CCDC60: variants seen among roughly 807,000 people sequenced by gnomAD.
CCDC60 encodes the protein coiled-coil domain containing 60, also known as coiled-coil domain-containing protein 60.
In CCDC60, 54 loss-of-function variants were observed where a neutral mutation model predicts 63.5. The observed-to-expected ratio is 0.85, with a 90% CI of 0.68 to 1.07. CCDC60 has a LOEUF of 1.07. CCDC60 is among the 50% of genes least tolerant of loss of function. The probability of loss-of-function intolerance (pLI) is 0.00; values close to 1 mark genes in which losing one functional copy is unlikely to be tolerated. For missense variants in CCDC60, 651 were observed against 684.3 expected, an observed-to-expected ratio of 0.95 and a Z score of 0.54; for synonymous variants, 206 against 238.8, an observed-to-expected ratio of 0.86 and a Z score of 1.27.
At chr12:119,439,148 G>A (rs963685156) in intron 2 of CCDC60, among the ~76,000 whole-genome samples, 4 of 89,030 alleles carry the variant, frequency 4.5e-5, no homozygotes, top group Non-Finnish European at 9.1e-5. Flanking sequence ...CCCTTTTCTG[G>A]GCAAAAAAAA....
intron 1 of CCDC60, among the ~76,000 whole-genome samples, chr12:119,411,510 A>G (rs11064784): frequency 0.13 from 20,253 of 152,150 alleles, 1,695 homozygotes; most frequent in African/African-American, 0.22. Context: ...CCATCTCAAA[A>G]AAAGAAAAAA....
chr12:119,338,214 A>G (rs781091890), intron 1 of CCDC60, among the ~76,000 whole-genome samples: 12 of 152,212 alleles, frequency 7.9e-5, no homozygotes, highest in Non-Finnish European at 1.6e-4. Context: ...TAAAGCATTA[A>G]TTAACCTAAT....
At chr12:119,345,974 C>A (rs1210919408) in intron 1 of CCDC60, among the ~76,000 whole-genome samples, 22 of 151,002 alleles carry the variant, frequency 1.5e-4, no homozygotes, top group Admixed American at 9.9e-4. Context: ...TGCCGCCATA[C>A]CCAGCTGATT....
chr12:119,338,534 T>A (rs1179015781), intron 1 of CCDC60, among the ~76,000 whole-genome samples: 1 of 152,150 alleles, frequency 6.6e-6, no homozygotes, highest in Non-Finnish European at 1.5e-5. Flanking sequence ...GAACTGGGAT[T>A]TGAATTCATA....
chr12:119,349,878 G>A (rs1366335042), intron 1 of CCDC60, among the ~76,000 whole-genome samples: 1 of 152,104 alleles, frequency 6.6e-6, no homozygotes, highest in African/African-American at 2.4e-5. Context: ...TATTTTCAGT[G>A]CAGGAAGCTC....
rs1382448224 is a variant in CCDC60, at chr12:119,414,121, C to T, written c.91-14562C>T. The stretch of plus-strand genomic sequence containing the variant: ...ACAACCCCTGCCTCCTGGGTTCAAG[C>T]GATTCTTCTCCCTCAGCCTCCCAAG... On this transcript the variant is annotated intron_variant, in intron 1 of 13. Coordinates refer to ENST00000327554, the MANE Select transcript of CCDC60 (RefSeq NM_178499.5). Among the ~76,000 whole-genome samples, 7 of 151,696 alleles carry T rather than the reference C, an allele frequency of 4.6e-5. No individual in the cohort carries two copies. The East Asian group carries it at 1.4e-3, about 30-fold the overall frequency.
intron 1 of CCDC60, among the ~76,000 whole-genome samples, chr12:119,413,778 C>A (rs935955960): frequency 2.6e-5 from 4 of 152,148 alleles, no homozygotes; most frequent in Non-Finnish European, 5.9e-5. Context: ...GCTCCCCCAG[C>A]CCACCTTGGG....
At chr12:119,335,317 T>G (rs1053590588) in intron 1 of CCDC60, 51 bp downstream of exon 1, 9 of 1,375,506 alleles carry the variant, frequency 6.5e-6, no homozygotes, top group Non-Finnish European at 9.1e-6. Flanking sequence ...ACAAGTGAAA[T>G]AGGAATTAGC....
At chr12:119,398,361 C>T (rs902470495) in intron 1 of CCDC60, among the ~76,000 whole-genome samples, 4 of 152,134 alleles carry the variant, frequency 2.6e-5, no homozygotes, top group Non-Finnish European at 4.4e-5. Flanking sequence ...TACGCCCACC[C>T]GGAACTCGTG....
intron 13 of CCDC60, among the ~76,000 whole-genome samples, chr12:119,531,808 C>T (rs1050515851): frequency 6.6e-6 from 1 of 152,194 alleles, no homozygotes; most frequent in Admixed American, 6.5e-5. Context: ...TTGTCATTCA[C>T]CACCATCACC....
chr12:119,425,451 T>G (rs1243049801), intron 1 of CCDC60, among the ~76,000 whole-genome samples: 1 of 152,220 alleles, frequency 6.6e-6, no homozygotes, highest in Non-Finnish European at 1.5e-5. Flanking sequence ...TTAGCTGTTT[T>G]GCCACTCCCA....
chr12:119,454,199 C>T (rs531176348), intron 2 of CCDC60, among the ~76,000 whole-genome samples: 28 of 152,256 alleles, frequency 1.8e-4, no homozygotes, highest in South Asian at 1.7e-3. Flanking sequence ...ATTAGCCTGC[C>T]TGTGTTTAAA....
chr12:119,477,013 CT>C (rs1253698983), intron 3 of CCDC60, among the ~76,000 whole-genome samples: 1 of 152,252 alleles, frequency 6.6e-6, no homozygotes, highest in Non-Finnish European at 1.5e-5. Flanking sequence ...TCTCATAAAT[CT>C]GCAATTTGAG....
At chr12:119,423,346 C>T (rs779619630) in intron 1 of CCDC60, among the ~76,000 whole-genome samples, 2 of 152,188 alleles carry the variant, frequency 1.3e-5, no homozygotes, top group Non-Finnish European at 2.9e-5. Context: ...CCCAAAGTGG[C>T]CTGGGGCCAA....
chr12:119,399,092 T>C lies in CCDC60; in HGVS notation c.91-29591T>C, dbSNP rs529597263. Reference sequence around the variant, plus strand: ...AAGGAAGTTTCTCAAACAAAAACTATGGAGAAAAAAAATATAGGATGAAGG... The same window carrying C: ...AAGGAAGTTTCTCAAACAAAAACTACGGAGAAAAAAAATATAGGATGAAGG... On this transcript the variant is annotated intron_variant, in intron 1 of 13. Transcript: ENST00000327554. Among the ~76,000 whole-genome samples the C allele has an allele frequency of 7.2e-5, 11 of 152,148 alleles. No individual in the cohort carries two copies. The South Asian group carries it at 2.1e-3, about 29-fold the overall frequency.
intron 11 of CCDC60, among the ~76,000 whole-genome samples, chr12:119,526,669 A>T (rs1366651431): frequency 6.6e-6 from 1 of 152,236 alleles, no homozygotes; most frequent in Non-Finnish European, 1.5e-5. Flanking sequence ...AAAGCTCAAC[A>T]TCACTGATCA....
At chr12:119,362,637 G>C (rs1287092196) in intron 1 of CCDC60, among the ~76,000 whole-genome samples, 2 of 152,144 alleles carry the variant, frequency 1.3e-5, no homozygotes, top group African/African-American at 4.8e-5. Context: ...TTTCTTGTAT[G>C]AATATACCAT....
rs74368509 is a variant in CCDC60, at chr12:119,411,951, A to C, written c.91-16732A>C. 4.3e-3 allele frequency among the ~76,000 whole-genome samples: 655 copies of C among 152,152 alleles called. 3 individuals are homozygous for C. The highest frequency in any genetic ancestry group is 0.014 in the African/African-American group (592 of 41,532). ...ACATTGTAGTTAAGTGTCTCCTACT[A>C]GACCACCAGATCCCTGAGGAAAGGA... On this transcript the variant is annotated intron_variant, in intron 1 of 13. Transcript: ENST00000327554.
At chr12:119,491,244 G>C (rs982624432) in intron 5 of CCDC60, among the ~76,000 whole-genome samples, 5 of 152,144 alleles carry the variant, frequency 3.3e-5, no homozygotes, top group African/African-American at 1.2e-4. Flanking sequence ...TTTATTAACA[G>C]ACACTGAGGT....
Sources: allele counts gnomAD v4.1 joint callset (sites outside exome capture counted in the v4.1 genomes callset), GRCh38; gene constraint gnomAD v4.1.1; transcripts MANE v1.5; gene names NCBI Gene and HGNC (gene_info 2026-07-23, HGNC 2026-07-21).